The following NEK10 variants were observed in gnomAD, a reference collection of about 807,000 sequenced individuals.
The protein encoded by NEK10 is serine/threonine-protein kinase Nek10.
A neutral mutation model predicts 159.8 loss-of-function variants in NEK10; 122 were observed. The ratio of observed to expected loss-of-function variants is 0.76; its 90% CI spans 0.66 to 0.89. The LOEUF (loss-of-function observed/expected upper bound fraction) is 0.89. Among genes scored for constraint, NEK10 ranks in the 40% least tolerant of loss-of-function variants. The pLI is 0.00. For synonymous variants in NEK10, 466 were observed against 457.1 expected (o/e 1.02, Z -0.25); for missense variants, 1,342 against 1,323.1 (o/e 1.01, Z -0.22).
chr3:27,130,579 G>A (rs918678625), intron 32 of NEK10, among the ~76,000 whole-genome samples: 1 of 152,168 alleles, frequency 6.6e-6, no homozygotes, highest in Admixed American at 6.5e-5. Flanking sequence ...ACAGTTTGTA[G>A]CAGATGCTTT....
chr3:27,140,296 A>G (rs1943657502), intron 31 of NEK10, among the ~76,000 whole-genome samples: 1 of 152,190 alleles, frequency 6.6e-6, no homozygotes, highest in Non-Finnish European at 1.5e-5. Context: ...AAAGACTCAA[A>G]GCCCCTTGAT....
Position 27,199,487 on chromosome 3 carries a change from A to G in NEK10, c.2291+2023T>C, listed in dbSNP as rs542119299. On this transcript the variant is annotated intron_variant, in intron 25 of 35. Transcript: ENST00000691995. ...TGCTGGAAAGGTTCAGCGAAAAAGG[A>G]ACACTTATGCACTGTTGGTGGGAGT... is the stretch of plus-strand genomic sequence containing the variant. Among the ~76,000 whole-genome samples the G allele has an allele frequency of 5.3e-5, 8 of 152,332 alleles. No homozygotes were observed. The South Asian group carries it at 1.4e-3, about 28-fold the overall frequency.
chr3:27,297,147 G>C, intron 14 of NEK10, 32 bp downstream of exon 14: 1 of 1,492,488 alleles, frequency 6.7e-7, no homozygotes, highest in Non-Finnish European at 9.4e-7. Flanking sequence ...GAATGGTTAT[G>C]GAGACCTGAC....
intron 23 of NEK10, among the ~76,000 whole-genome samples, chr3:27,213,198 T>G (rs2149106332): frequency 6.6e-6 from 1 of 152,334 alleles, no homozygotes; most frequent in Non-Finnish European, 1.5e-5. Context: ...GCTTCATTCT[T>G]TCCTTGCTTT....
chr3:27,243,209 T>C (rs1954734389), intron 23 of NEK10, among the ~76,000 whole-genome samples: 1 of 152,030 alleles, frequency 6.6e-6, no homozygotes, highest in Non-Finnish European at 1.5e-5. Context: ...ATGAACAGTC[T>C]GAAATGCCAA....
chr3:27,289,322 T>C (rs917515998), intron 19 of NEK10, among the ~76,000 whole-genome samples: 2 of 152,200 alleles, frequency 1.3e-5, no homozygotes, highest in Non-Finnish European at 2.9e-5. Context: ...TTAATCTTAA[T>C]GTACTCTCCA....
intron 31 of NEK10, among the ~76,000 whole-genome samples, chr3:27,137,329 T>C (rs1392157508): frequency 6.6e-6 from 1 of 152,216 alleles, no homozygotes; most frequent in Non-Finnish European, 1.5e-5. Context: ...TTTAAACTAC[T>C]TTGAAATCCA....
At chr3:27,202,829 C>A (rs1192934173) in intron 23 of NEK10, among the ~76,000 whole-genome samples, 6 of 152,088 alleles carry the variant, frequency 3.9e-5, no homozygotes, top group Non-Finnish European at 8.8e-5. Flanking sequence ...CCAGAAAGAG[C>A]AAGCCCACTG....
At chr3:27,149,829 T>C (rs7642078) in intron 30 of NEK10, among the ~76,000 whole-genome samples, 14,969 of 152,254 alleles carry the variant, frequency 0.098, 2,435 homozygotes, top group African/African-American at 0.34. Context: ...GAGGAAGGCA[T>C]GTCAAAAGCC....
chr3:27,152,802 G>A (rs1945016474), intron 30 of NEK10, among the ~76,000 whole-genome samples: 1 of 152,118 alleles, frequency 6.6e-6, no homozygotes, highest in Non-Finnish European at 1.5e-5. Context: ...AAAGTTTAAA[G>A]TAAAGGGGTG....
At chr3:27,341,038 C>T (rs1040743185) in intron 5 of NEK10, among the ~76,000 whole-genome samples, 1 of 152,006 alleles carries the variant, frequency 6.6e-6, no homozygotes, top group Non-Finnish European at 1.5e-5. Flanking sequence ...AAAATCACAT[C>T]ATTTATAGCA....
chr3:27,327,609 G>A (rs1429401417), intron 5 of NEK10, among the ~76,000 whole-genome samples: 1 of 152,214 alleles, frequency 6.6e-6, no homozygotes, highest in East Asian at 1.9e-4. Context: ...TATGTGATGT[G>A]AGGGTTCCAA....
intron 6 of NEK10, among the ~76,000 whole-genome samples, chr3:27,317,067 T>C (rs1375395917): frequency 6.6e-6 from 1 of 152,218 alleles, no homozygotes; most frequent in Non-Finnish European, 1.5e-5. Context: ...AGACGCTTAC[T>C]CCCTCTTAGA....
chr3:27,129,362 A>G (rs1942350928), intron 32 of NEK10, among the ~76,000 whole-genome samples: 1 of 152,046 alleles, frequency 6.6e-6, no homozygotes, highest in Non-Finnish European at 1.5e-5. Flanking sequence ...AAAGGTAGAA[A>G]TCAAGTGCAT....
At chr3:27,197,864 G>C (rs565893899) in intron 25 of NEK10, among the ~76,000 whole-genome samples, 1 of 151,046 alleles carries the variant, frequency 6.6e-6, no homozygotes, top group African/African-American at 2.4e-5. Context: ...AGTTACATAC[G>C]TATACATGTG....
intron 26 of NEK10, among the ~76,000 whole-genome samples, chr3:27,181,164 T>C (rs1948062920): frequency 6.6e-6 from 1 of 152,166 alleles, no homozygotes; most frequent in Non-Finnish European, 1.5e-5. Flanking sequence ...CAATACTCCA[T>C]GCAGTCAAAA....
chr3:27,253,386 G>A (rs549260643), intron 23 of NEK10, among the ~76,000 whole-genome samples: 1 of 152,224 alleles, frequency 6.6e-6, no homozygotes, highest in South Asian at 2.1e-4. Context: ...CTCTGGAATT[G>A]GAGGAAGACA....
intron 32 of NEK10, among the ~76,000 whole-genome samples, chr3:27,122,721 T>C (rs1011698597): frequency 6.6e-6 from 1 of 152,168 alleles, no homozygotes; most frequent in Non-Finnish European, 1.5e-5. Context: ...AATTTAATTA[T>C]TAAGTTTATA....
intron 30 of NEK10, chr3:27,143,559 T>G: frequency 1.5e-6 from 1 of 675,308 alleles, no homozygotes; most frequent in Non-Finnish European, 2.7e-6. Flanking sequence ...AAAATTATTT[T>G]TATTGAGACC....
Sources: gnomAD v4.1 joint callset for allele counts (sites outside exome capture counted in the v4.1 genomes callset) on GRCh38, gnomAD v4.1.1 for gene constraint, MANE v1.5 for transcripts, NCBI Gene and HGNC (gene_info 2026-07-23, HGNC 2026-07-21) for gene names.